CDKN2A: variants seen among roughly 807,000 people sequenced by gnomAD.
The protein encoded by CDKN2A is cyclin dependent kinase inhibitor 2A.
Under a neutral mutation model 11.1 loss-of-function variants are expected in CDKN2A, and 3 were observed. The ratio of observed to expected loss-of-function variants is 0.27; its 90% CI spans 0.12 to 0.70. CDKN2A has a LOEUF of 0.70. CDKN2A is among the 30% of genes least tolerant of loss of function. The pLI is 0.77. For missense variants in CDKN2A, 265 were observed against 233.6 expected, an observed-to-expected ratio of 1.13 and a Z score of -0.88; for synonymous variants, 122 against 108.1, an observed-to-expected ratio of 1.13 and a Z score of -0.80.
At chr9:21,983,832 A>G (rs551134818) in intron 2 of CDKN2A, among the ~76,000 whole-genome samples, 94 of 152,152 alleles carry the variant, frequency 6.2e-4, no homozygotes, top group African/African-American at 2.1e-3. Context: ...GAAATGACAC[A>G]TATGCAAGTG....
Position 21,974,315 on chromosome 9 carries a change from G to C in CDKN2A, c.150+363C>G. On this transcript the variant is annotated intron_variant, in intron 1 of 2. Coordinates refer to ENST00000304494, the MANE Select transcript of CDKN2A (RefSeq NM_000077.5). The surrounding 1 kb of genome is among the most constrained non-coding windows in gnomAD (Gnocchi z 5.2). ...CCATCCAGGTATCTGTGAATTGGAG[G>C]CTAAGTAGTCCCAGCACATCTTACA... is the stretch of plus-strand genomic sequence containing the variant. The C allele has an allele frequency of 1.9e-6, 2 of 1,074,524 alleles. No homozygotes were observed. The highest frequency in any genetic ancestry group is 2.5e-6 in the Non-Finnish European group (2 of 789,502). The allele number at this position is 1,074,524 out of a possible 1,614,324, so 66.6% of individuals were successfully genotyped here.
Position 21,968,104 on chromosome 9 carries a change from T to G in CDKN2A, c.*125A>C. 2.4e-6 allele frequency: 2 copies of G among 842,060 alleles called. No homozygotes were observed. Among genetic ancestry groups the G allele is most frequent in the Middle Eastern group, 2.2e-4 (1 of 4,452 alleles). The allele number at this position is 842,060 out of a possible 1,614,324, so 52.2% of individuals were successfully genotyped here. A position where few individuals can be genotyped will look rare whatever the true frequency, so the allele number is the denominator to read the frequency against. Reference sequence around the variant, plus strand: ...TAAAAGGCAGGACATTTTTAAAAGCTCTATTTTCTAAATGAAAACTACGAA... The same window carrying G: ...TAAAAGGCAGGACATTTTTAAAAGCGCTATTTTCTAAATGAAAACTACGAA... On this transcript the variant is annotated 3_prime_UTR_variant, in exon 3 of 3. Coordinates refer to ENST00000304494, the MANE Select transcript of CDKN2A (RefSeq NM_000077.5). The surrounding 1 kb of genome is among the most constrained non-coding windows in gnomAD (Gnocchi z 4.7).
chr9:21,968,786 A>G lies in CDKN2A; in HGVS notation c.458-544T>C. 1 of 1,535,950 alleles carries G rather than the reference A, an allele frequency of 6.5e-7. No homozygotes were observed. The highest frequency in any genetic ancestry group is 8.7e-7 in the Non-Finnish European group (1 of 1,146,780). On this transcript the variant is annotated intron_variant, in intron 2 of 2. Transcript: ENST00000304494. This position sits in a 1 kb window ranked among gnomAD's most constrained non-coding sequence, Gnocchi z 4.7. ...TCCGATCATTTCTGAAACAAAATGG[A>G]TGCTCATTTATTCATGTGCTCTGGC...
chr9:21,986,262 T>C (rs1450483527), intron 2 of CDKN2A, among the ~76,000 whole-genome samples: 2 of 152,070 alleles, frequency 1.3e-5, no homozygotes, highest in Non-Finnish European at 2.9e-5. Context: ...ATCCCACTTA[T>C]TGCTTTTAAA....
chr9:21,970,197 C>CA (rs1563887907), intron 2 of CDKN2A: 1 of 241,386 alleles, frequency 4.1e-6, no homozygotes, highest in Non-Finnish European at 8.1e-6. Context: ...TTTGAGATCA[C>CA]AAAAAGGAAA....
intron 2 of CDKN2A, among the ~76,000 whole-genome samples, chr9:21,990,611 T>TGAGAGAGAGAGA (rs60431211): frequency 0.049 from 4,405 of 89,596 alleles, 453 homozygotes; most frequent in South Asian, 0.077. Context: ...ACTAATTTGG[T>TGAGAGAGAGAGA]GAGAGAGAGA....
At chr9:21,975,213 C>T (rs1328479743), upstream of CDKN2A, 6 of 1,062,554 alleles carry the variant, frequency 5.6e-6, no homozygotes, top group African/African-American at 1.7e-5. Context: ...CTCCCTGCTC[C>T]CAGCCGCGCT....
At chr9:21,986,106 A>T (rs192391834) in intron 2 of CDKN2A, among the ~76,000 whole-genome samples, 7 of 152,166 alleles carry the variant, frequency 4.6e-5, no homozygotes, top group Admixed American at 4.6e-4. Context: ...AGAACATGAA[A>T]GCACTGAGAG....
Position 21,991,667 on chromosome 9 carries a change from C to T in CDKN2A, c.-4+2215G>A, listed in dbSNP as rs1224969411. On this transcript the variant is annotated intron_variant, in intron 2 of 3. Coordinates refer to the CDKN2A transcript ENST00000494262. The surrounding 1 kb of genome is among the most constrained non-coding windows in gnomAD (Gnocchi z 5.2). ...ATGGTAGTTGATAGTGATGAACTAA[C>T]GTGGAATAATAGATCTGTAAACCAT... The T allele has an allele frequency of 3.0e-6, 3 of 984,596 alleles. No homozygotes were observed. The highest frequency in any genetic ancestry group is 3.6e-6 in the Non-Finnish European group (3 of 829,252). 61.0% of individuals were successfully genotyped at this position (984,596 alleles called of 1,614,324 possible). A position where few individuals can be genotyped will look rare whatever the true frequency, so the allele number is the denominator to read the frequency against.
chr9:21,976,974 A>G (rs1195472200), upstream of CDKN2A, among the ~76,000 whole-genome samples: 1 of 152,244 alleles, frequency 6.6e-6, no homozygotes, highest in East Asian at 1.9e-4. Flanking sequence ...TAATCTGCCT[A>G]CTGGATAATC....
chr9:21,981,431 G>A (rs1476311672), intron 2 of CDKN2A, among the ~76,000 whole-genome samples: 2 of 151,806 alleles, frequency 1.3e-5, no homozygotes, highest in African/African-American at 2.4e-5. Flanking sequence ...GCCCTGTAAT[G>A]GAGCTCCCAG....
chr9:21,990,686 A>T (rs1820412942), intron 2 of CDKN2A, among the ~76,000 whole-genome samples: 1 of 141,078 alleles, frequency 7.1e-6, no homozygotes, highest in Non-Finnish European at 1.5e-5. Context: ...CTTTAAAAAA[A>T]CCTGACTTTA....
At chr9:21,977,668 C>T (rs1291632905), upstream of CDKN2A, among the ~76,000 whole-genome samples, 1 of 152,056 alleles carries the variant, frequency 6.6e-6, no homozygotes, top group Non-Finnish European at 1.5e-5. Context: ...GCCCGGCCTA[C>T]AGTGGTTCTT....
chr9:21,975,291 C>T (rs1162969893), upstream of CDKN2A, among the ~76,000 whole-genome samples: 4 of 152,196 alleles, frequency 2.6e-5, no homozygotes, highest in Non-Finnish European at 5.9e-5. Context: ...GCCCCCGCCC[C>T]GTTTCCTTCC....
chr9:21,994,385 CCA>C, intron 1 of CDKN2A: 1 of 1,607,874 alleles, frequency 6.2e-7, no homozygotes, highest in Non-Finnish European at 8.5e-7. Context: ...CCCTTTGGCA[CCA>C]GAGGTGAGCA....
At chr9:21,994,550 C>T (rs1332249995) in intron 1 of CDKN2A, 5 of 1,221,970 alleles carry the variant, frequency 4.1e-6, no homozygotes, top group South Asian at 1.6e-5. Context: ...CCCGGACCTC[C>T]AAGATCTCGG....
chr9:21,974,539 A>G lies in CDKN2A; in HGVS notation c.150+139T>C, dbSNP rs1468495072. 1 of 1,613,170 alleles carries G rather than the reference A, an allele frequency of 6.2e-7. No homozygotes were observed. The highest frequency in any genetic ancestry group is 1.3e-5 in the African/African-American group (1 of 74,916). ...TCGCCAGGAGGAGGTCTGTGATTAC[A>G]AACCCCTTCTGAAAACTCCCCAGGA... On this transcript the variant is annotated intron_variant, in intron 1 of 2. Transcript: ENST00000304494. This position sits in a 1 kb window ranked among gnomAD's most constrained non-coding sequence, Gnocchi z 5.2.
At chr9:21,980,576 A>T (rs1820146590) in intron 2 of CDKN2A, among the ~76,000 whole-genome samples, 1 of 152,190 alleles carries the variant, frequency 6.6e-6, no homozygotes, top group Non-Finnish European at 1.5e-5. Flanking sequence ...AGTACCTAAT[A>T]TATGTCAGGC....
At chr9:21,975,788 G>A (rs1192936887), upstream of CDKN2A, among the ~76,000 whole-genome samples, 1 of 152,204 alleles carries the variant, frequency 6.6e-6, no homozygotes, top group African/African-American at 2.4e-5. Flanking sequence ...AAAGTGCTCA[G>A]TGTTCTAGAA....
Sources: allele counts gnomAD v4.1 joint callset (sites outside exome capture counted in the v4.1 genomes callset), GRCh38; gene constraint gnomAD v4.1.1; non-coding constraint Gnocchi (gnomAD v3.1); transcripts MANE v1.5; gene names NCBI Gene and HGNC (gene_info 2026-07-23, HGNC 2026-07-21).